The following SH3RF3 variants were observed in gnomAD, a reference collection of about 807,000 sequenced individuals.
SH3RF3 encodes E3 ubiquitin-protein ligase SH3RF3.
In SH3RF3, 29 loss-of-function variants were observed where a neutral mutation model predicts 66.3. The ratio of observed to expected loss-of-function variants is 0.44; its 90% CI spans 0.33 to 0.60. SH3RF3 has a LOEUF of 0.60. Among genes scored for constraint, SH3RF3 ranks in the 20% least tolerant of loss-of-function variants. The probability of loss-of-function intolerance (pLI) is 0.04; values close to 1 mark genes in which losing one functional copy is unlikely to be tolerated. For synonymous variants in SH3RF3, 583 were observed against 532.0 expected (o/e 1.10, Z -1.32); for missense variants, 1,194 against 1,190.9 (o/e 1.00, Z -0.04).
chr2:109,254,875 G>C (rs1305964633), intron 1 of SH3RF3, among the ~76,000 whole-genome samples: 1 of 152,284 alleles, frequency 6.6e-6, no homozygotes, highest in Middle Eastern at 3.4e-3. Context: ...GAATTCTCAC[G>C]GGTGGGCTCA....
At chr2:109,496,567 C>G (rs140930922) in intron 9 of SH3RF3, among the ~76,000 whole-genome samples, 1 of 152,188 alleles carries the variant, frequency 6.6e-6, no homozygotes, top group Non-Finnish European at 1.5e-5. Context: ...ACGGCCTGGC[C>G]GACTCCTGCC....
chr2:109,394,720 A>G (rs957691783), intron 3 of SH3RF3, among the ~76,000 whole-genome samples: 1 of 152,246 alleles, frequency 6.6e-6, no homozygotes, highest in Non-Finnish European at 1.5e-5. Context: ...ACATGCAGAT[A>G]GAGCCACTGG....
At chr2:109,189,377 T>TC (rs1006227913) in intron 1 of SH3RF3, among the ~76,000 whole-genome samples, 1 of 151,094 alleles carries the variant, frequency 6.6e-6, no homozygotes, top group Non-Finnish European at 1.5e-5. Context: ...CTTTTTTTTT[T>TC]TTTTCTTTTT....
At chr2:109,457,682 A>AT (rs1484694840) in intron 8 of SH3RF3, among the ~76,000 whole-genome samples, 22 of 152,374 alleles carry the variant, frequency 1.4e-4, no homozygotes, top group Admixed American at 1.4e-3. Flanking sequence ...GTTCTGCAAA[A>AT]TTCTACTGCT....
At position 109,142,382 on chromosome 2, in the gene SH3RF3, C is replaced by T. The variant is rs1278899586; in HGVS notation, c.573+12269C>T. Among the ~76,000 whole-genome samples, 3 of 152,208 alleles carry T rather than the reference C, an allele frequency of 2.0e-5. No homozygotes were observed. The South Asian group carries it at 6.2e-4, about 31-fold the overall frequency. Reference sequence around the variant, plus strand: ...TGCCTCCTCTGATTTTAATAGGACCCCAAAGCACCCTGTGGGGTTAGCTCC... The same window carrying T: ...TGCCTCCTCTGATTTTAATAGGACCTCAAAGCACCCTGTGGGGTTAGCTCC... On this transcript the variant is annotated intron_variant, in intron 1 of 9. Transcript: ENST00000309415.
At chr2:109,193,045 G>T (rs1274641210) in intron 1 of SH3RF3, among the ~76,000 whole-genome samples, 1 of 152,220 alleles carries the variant, frequency 6.6e-6, no homozygotes, top group African/African-American at 2.4e-5. Flanking sequence ...AGATGTCAAT[G>T]TGCCAAGAAA....
chr2:109,193,751 T>G (rs1302300155), intron 1 of SH3RF3, among the ~76,000 whole-genome samples: 3 of 152,174 alleles, frequency 2.0e-5, no homozygotes, highest in East Asian at 1.9e-4. Flanking sequence ...TTTCTCACAA[T>G]TAAAGGGAGG....
chr2:109,298,856 C>G (rs1055973494), intron 1 of SH3RF3, among the ~76,000 whole-genome samples: 4 of 152,224 alleles, frequency 2.6e-5, no homozygotes, highest in African/African-American at 9.6e-5. Context: ...CATCTATTCT[C>G]AAACAGTGAC....
At chr2:109,424,613 A>G (rs1676981544) in intron 5 of SH3RF3, among the ~76,000 whole-genome samples, 1 of 152,088 alleles carries the variant, frequency 6.6e-6, no homozygotes, top group Admixed American at 6.5e-5. Context: ...AAACTTTTTC[A>G]TTATATCTTT....
chr2:109,197,318 C>G (rs1256701842), intron 1 of SH3RF3, among the ~76,000 whole-genome samples: 1 of 152,120 alleles, frequency 6.6e-6, no homozygotes, highest in Non-Finnish European at 1.5e-5. Flanking sequence ...GCTGTTCTGC[C>G]TGACACAGGA....
At chr2:109,228,545 A>G (rs1047538088) in intron 1 of SH3RF3, among the ~76,000 whole-genome samples, 1 of 152,146 alleles carries the variant, frequency 6.6e-6, no homozygotes, top group Non-Finnish European at 1.5e-5. Context: ...TGGAGCTAGT[A>G]TGGACCCTGC....
intron 2 of SH3RF3, among the ~76,000 whole-genome samples, chr2:109,365,962 A>G (rs1292879442): frequency 6.6e-6 from 1 of 152,258 alleles, no homozygotes; most frequent in South Asian, 2.1e-4. Context: ...TAGAAGCACA[A>G]GAAAATTACA....
At chr2:109,399,687 TG>T (rs1173881953) in intron 4 of SH3RF3, among the ~76,000 whole-genome samples, 12 of 152,256 alleles carry the variant, frequency 7.9e-5, no homozygotes, top group African/African-American at 2.7e-4. Context: ...AGTAAGTACT[TG>T]CCTGTAGCTC....
intron 3 of SH3RF3, among the ~76,000 whole-genome samples, chr2:109,392,411 A>T (rs1438051812): frequency 6.6e-6 from 1 of 152,200 alleles, no homozygotes; most frequent in Non-Finnish European, 1.5e-5. Context: ...TAAAATGGCC[A>T]CATTGCTGTC....
chr2:109,198,912 A>G (rs1430231927), intron 1 of SH3RF3, among the ~76,000 whole-genome samples: 1 of 152,210 alleles, frequency 6.6e-6, no homozygotes, highest in Non-Finnish European at 1.5e-5. Context: ...TTGCGTAGCT[A>G]AATGCAGAAA....
chr2:109,460,700 T>G (rs1678188213), intron 8 of SH3RF3, among the ~76,000 whole-genome samples: 1 of 152,254 alleles, frequency 6.6e-6, no homozygotes, highest in South Asian at 2.1e-4. Flanking sequence ...TCACATGTGC[T>G]TTTCCAATTT....
At chr2:109,221,820 A>G (rs1227821552) in intron 1 of SH3RF3, among the ~76,000 whole-genome samples, 1 of 152,196 alleles carries the variant, frequency 6.6e-6, no homozygotes, top group Non-Finnish European at 1.5e-5. Context: ...AACGAAAACT[A>G]GAACTATCAT....
intron 1 of SH3RF3, among the ~76,000 whole-genome samples, chr2:109,314,303 T>G (rs753177554): frequency 1.3e-5 from 2 of 152,194 alleles, no homozygotes; most frequent in African/African-American, 2.4e-5. Context: ...CTTGAAATGG[T>G]TAAACTGATA....
chr2:109,428,311 C>A (rs917076452), intron 5 of SH3RF3, among the ~76,000 whole-genome samples: 1 of 152,220 alleles, frequency 6.6e-6, no homozygotes, highest in African/African-American at 2.4e-5. Context: ...CTGATTAGAG[C>A]GGAAGAGAAA....
Sources: gnomAD v4.1 joint callset for allele counts (sites outside exome capture counted in the v4.1 genomes callset) on GRCh38, gnomAD v4.1.1 for gene constraint, MANE v1.5 for transcripts, NCBI Gene and HGNC (gene_info 2026-07-23, HGNC 2026-07-21) for gene names.